ERBB4: variants seen among roughly 807,000 people sequenced by gnomAD.
The protein encoded by ERBB4 is receptor tyrosine-protein kinase erbB-4.
A neutral mutation model predicts 158.0 loss-of-function variants in ERBB4; 42 were observed. The ratio of observed to expected loss-of-function variants is 0.27; its 90% CI spans 0.21 to 0.34. The LOEUF is 0.34. Ranked by LOEUF, ERBB4 falls within the 10% of genes least tolerant of loss-of-function variation. The pLI is 1.00. For missense variants in ERBB4, 1,333 were observed against 1,624.1 expected (o/e 0.82, Z 3.08); for synonymous variants, 583 against 558.7 (o/e 1.04, Z -0.61).
At chr2:211,741,544 A>G (rs575179839) in intron 5 of ERBB4, among the ~76,000 whole-genome samples, 4 of 151,696 alleles carry the variant, frequency 2.6e-5, no homozygotes, top group African/African-American at 9.7e-5. Context: ...GTTGAAACTG[A>G]GGTTCTTAAA....
intron 2 of ERBB4, among the ~76,000 whole-genome samples, chr2:212,022,373 T>A (rs1389953520): frequency 3.3e-5 from 5 of 152,136 alleles, no homozygotes; most frequent in South Asian, 4.1e-4. Flanking sequence ...CCAGATCGTG[T>A]CATTTGCAGG....
intron 12 of ERBB4, among the ~76,000 whole-genome samples, chr2:211,700,297 G>T (rs2106028034): frequency 6.6e-6 from 1 of 152,170 alleles, no homozygotes; most frequent in Non-Finnish European, 1.5e-5. Flanking sequence ...TTTCTTTTAG[G>T]AATCAGTAAT....
chr2:211,400,922 A>AAATT (rs1243072712), intron 25 of ERBB4, among the ~76,000 whole-genome samples: 2 of 152,114 alleles, frequency 1.3e-5, no homozygotes, highest in African/African-American at 4.8e-5. Flanking sequence ...GTACCCACAA[A>AAATT]AATTAAATAT....
intron 3 of ERBB4, among the ~76,000 whole-genome samples, chr2:211,921,694 T>C (rs192804142): frequency 7.0e-4 from 107 of 152,206 alleles, no homozygotes; most frequent in African/African-American, 2.5e-3. Context: ...TGGGTTATTT[T>C]ACATAGGATT....
chr2:212,193,925 T>C (rs2082348075), intron 1 of ERBB4, among the ~76,000 whole-genome samples: 1 of 152,028 alleles, frequency 6.6e-6, no homozygotes, highest in Non-Finnish European at 1.5e-5. Context: ...TAAGGTTATT[T>C]TTTCCTTGTA....
intron 1 of ERBB4, among the ~76,000 whole-genome samples, chr2:212,305,283 G>C (rs941440879): frequency 2.0e-5 from 3 of 151,288 alleles, no homozygotes; most frequent in Non-Finnish European, 3.0e-5. Flanking sequence ...CAGTATTAAT[G>C]TATGCTGTTT....
At position 211,376,674 on chromosome 2, in the gene ERBB4, TA is replaced by T. The variant is rs750863171; in HGVS notation, c.*6940del. ...CCTCTCTCACCCAAACTGATGTCAG[TA>T]AATTACTTTGATGCATGTATAAGAT... On this transcript the variant is annotated 3_prime_UTR_variant, in exon 28 of 28. Transcript: ENST00000342788. 1.4e-4 allele frequency: 32 copies of T among 233,068 alleles called. No individual in the cohort carries two copies. The highest frequency in any genetic ancestry group is 2.2e-4 in the Non-Finnish European group (26 of 117,620). 14.4% of individuals were successfully genotyped at this position (233,068 alleles called of 1,614,324 possible). A position where few individuals can be genotyped will look rare whatever the true frequency, so the allele number is the denominator to read the frequency against.
At chr2:211,733,690 AT>A (rs1449106644) in intron 5 of ERBB4, among the ~76,000 whole-genome samples, 3 of 144,908 alleles carry the variant, frequency 2.1e-5, no homozygotes, top group African/African-American at 5.3e-5. Context: ...AAAAAAAAAA[AT>A]TTACTTTCTT....
intron 19 of ERBB4, among the ~76,000 whole-genome samples, chr2:211,578,765 A>C (rs1440726404): frequency 6.6e-6 from 1 of 152,202 alleles, no homozygotes; most frequent in Non-Finnish European, 1.5e-5. Context: ...AGAAAATTGA[A>C]ACTGGATCCC....
At chr2:212,305,135 C>G (rs1485361265) in intron 1 of ERBB4, among the ~76,000 whole-genome samples, 3 of 151,348 alleles carry the variant, frequency 2.0e-5, no homozygotes, top group Admixed American at 1.3e-4. Context: ...AGTCTCCTTT[C>G]TTTTGAAACC....
At chr2:212,405,465 T>C (rs2091319390) in intron 1 of ERBB4, among the ~76,000 whole-genome samples, 1 of 152,060 alleles carries the variant, frequency 6.6e-6, no homozygotes. Context: ...ACCATTGGAC[T>C]CAGCAATCCC....
At chr2:212,312,046 T>G (rs967033388) in intron 1 of ERBB4, among the ~76,000 whole-genome samples, 1 of 150,990 alleles carries the variant, frequency 6.6e-6, no homozygotes, top group Non-Finnish European at 1.5e-5. Context: ...TGCCTTGAGA[T>G]AAAGCCACCC....
intron 3 of ERBB4, among the ~76,000 whole-genome samples, chr2:211,897,100 T>C (rs932529529): frequency 2.7e-5 from 4 of 150,568 alleles, no homozygotes; most frequent in African/African-American, 9.7e-5. Flanking sequence ...AAAAACACTA[T>C]GTTTAAAGCT....
intron 3 of ERBB4, among the ~76,000 whole-genome samples, chr2:211,852,736 T>C (rs1433635278): frequency 6.6e-6 from 1 of 150,946 alleles, no homozygotes; most frequent in African/African-American, 2.4e-5. Context: ...ATTTATTTAG[T>C]TTGTCTAAAT....
At chr2:212,141,349 C>G (rs1266801024) in intron 1 of ERBB4, among the ~76,000 whole-genome samples, 2 of 151,910 alleles carry the variant, frequency 1.3e-5, no homozygotes, top group Non-Finnish European at 2.9e-5. Flanking sequence ...AAACTTGGCT[C>G]CCTGGTTCCC....
chr2:211,692,167 C>CT (rs1201286046), intron 12 of ERBB4, among the ~76,000 whole-genome samples: 1 of 152,130 alleles, frequency 6.6e-6, no homozygotes, highest in African/African-American at 2.4e-5. Flanking sequence ...ATGCTCTTAG[C>CT]ATATGCCTGC....
intron 2 of ERBB4, among the ~76,000 whole-genome samples, chr2:212,001,514 A>T (rs971542569): frequency 3.3e-5 from 5 of 152,202 alleles, no homozygotes; most frequent in Admixed American, 2.0e-4. Context: ...ATAGCCAAGG[A>T]AACTATATTT....
chr2:211,732,326 T>C (rs2074449654), intron 5 of ERBB4, among the ~76,000 whole-genome samples: 1 of 151,824 alleles, frequency 6.6e-6, no homozygotes. Context: ...GTGTATTATC[T>C]AACATATTTA....
At chr2:211,455,324 A>G (rs1404915820) in intron 20 of ERBB4, among the ~76,000 whole-genome samples, 3 of 152,244 alleles carry the variant, frequency 2.0e-5, no homozygotes, top group Non-Finnish European at 4.4e-5. Flanking sequence ...TAGGGAGTTC[A>G]GTGGACTTCT....
Sources: gnomAD v4.1 joint callset for allele counts (sites outside exome capture counted in the v4.1 genomes callset) on GRCh38, gnomAD v4.1.1 for gene constraint, MANE v1.5 for transcripts, NCBI Gene and HGNC (gene_info 2026-07-23, HGNC 2026-07-21) for gene names.